Variants in NAB1 observed in about 807,000 individuals in gnomAD.
NAB1 encodes the protein NGFI-A binding protein 1.
Under a neutral mutation model 49.9 loss-of-function variants are expected in NAB1, and 25 were observed. The observed-to-expected ratio is 0.50, with a 90% CI of 0.37 to 0.70. The LOEUF is 0.70. NAB1 is among the 30% of genes least tolerant of loss of function. NAB1 has a pLI of 0.00. For synonymous variants in NAB1, 198 were observed against 215.6 expected (o/e 0.92, Z 0.71); for missense variants, 489 against 575.9 (o/e 0.85, Z 1.54).
chr2:190,673,037 C>T, intron 5 of NAB1, 64 bp from the exon 6 acceptor site: 1 of 1,499,542 alleles, frequency 6.7e-7, no homozygotes, highest in Non-Finnish European at 9.1e-7. Flanking sequence ...GGCTGAGATG[C>T]CTTTGGAATA....
rs1436528212 is a variant in NAB1, at chr2:190,664,731, CTATTCCTTATTATATCTTTA to C, written c.819+4740_819+4759del. On this transcript the variant is annotated intron_variant, in intron 4 of 9. Transcript: ENST00000337386. ...ACAGACGTGAGCCACCACACCTGGT[CTATTCCTTATTATATCTTTA>C]TATCATCCTTTTATTTTCAGCCTTT... is the stretch of plus-strand genomic sequence containing the variant. 8.6e-5 allele frequency among the ~76,000 whole-genome samples: 13 copies of C among 150,730 alleles called. No individual in the cohort carries two copies. In the East Asian group the frequency reaches 2.5e-3, roughly 29 times the overall value.
intron 2 of NAB1, among the ~76,000 whole-genome samples, chr2:190,650,584 A>G (rs1225881045): frequency 1.3e-5 from 2 of 152,126 alleles, no homozygotes; most frequent in Non-Finnish European, 1.5e-5. Context: ...ATGATATTTC[A>G]TAATTTGTGT....
intron 4 of NAB1, among the ~76,000 whole-genome samples, chr2:190,661,965 T>C (rs1694248002): frequency 6.6e-6 from 1 of 152,228 alleles, no homozygotes; most frequent in African/African-American, 2.4e-5. Flanking sequence ...GGTATATCTT[T>C]TAGGTATTAT....
At chr2:190,683,094 G>GTTTTGT (rs750373151) in intron 6 of NAB1, among the ~76,000 whole-genome samples, 2 of 151,986 alleles carry the variant, frequency 1.3e-5, no homozygotes, top group East Asian at 1.9e-4. Flanking sequence ...TTTTTTATGT[G>GTTTTGT]TTTTGTTTTT....
chr2:190,673,814 GA>G (rs1694941266), intron 6 of NAB1, among the ~76,000 whole-genome samples: 1 of 152,172 alleles, frequency 6.6e-6, no homozygotes, highest in African/African-American at 2.4e-5. Context: ...TGGGAGTTAA[GA>G]AAAACATACT....
rs1266227562 is a variant in NAB1, at chr2:190,652,238, G to T, written c.-197+2256G>T. Among the ~76,000 whole-genome samples, 1 of 152,168 alleles carries T rather than the reference G, an allele frequency of 6.6e-6. No homozygotes were observed. The highest frequency in any genetic ancestry group is 1.5e-5 in the Non-Finnish European group (1 of 68,032). The stretch of plus-strand genomic sequence containing the variant: ...TTTCTCAATACATTGTATTTAGGGG[G>T]TGACCCATTAATTTGCATGGTATAT... On this transcript the variant is annotated intron_variant, in intron 2 of 9. Transcript: ENST00000337386. The surrounding 1 kb of genome is among the most constrained non-coding windows in gnomAD (Gnocchi z 4.2).
In NAB1 at chr2:190,670,196, C is replaced by T. The variant is rs1208229161; in HGVS notation, c.820-130C>T. 2 of 905,294 alleles carry T rather than the reference C, an allele frequency of 2.2e-6. No homozygotes were observed. The highest frequency in any genetic ancestry group is 5.8e-5 in the East Asian group (2 of 34,698). The allele number at this position is 905,294 out of a possible 1,614,324, so 56.1% of individuals were successfully genotyped here. A position where few individuals can be genotyped will look rare whatever the true frequency, so the allele number is the denominator to read the frequency against. ...CATTAGGAATAATTAGGAATAAATA[C>T]CATTCTGATTTTTATGAATAATGAT... On this transcript the variant is annotated intron_variant, in intron 4 of 9. Transcript: ENST00000337386. This position sits in a 1 kb window ranked among gnomAD's most constrained non-coding sequence, Gnocchi z 5.3.
Position 190,680,694 on chromosome 2 carries a change from T to C in NAB1, c.1006-3044T>C, listed in dbSNP as rs903493010. Among the ~76,000 whole-genome samples the C allele has an allele frequency of 6.6e-6, 1 of 152,244 alleles. No individual in the cohort carries two copies. The highest frequency in any genetic ancestry group is 1.5e-5 in the Non-Finnish European group (1 of 68,040). Reference sequence around the variant, plus strand: ...TAGTTCCCCACGAATGTGCTTAATATTCTCTGGTTGATTTTAGTATTAAAT... The same window carrying C: ...TAGTTCCCCACGAATGTGCTTAATACTCTCTGGTTGATTTTAGTATTAAAT... On this transcript the variant is annotated intron_variant, in intron 6 of 9. Transcript: ENST00000337386. This position sits in a 1 kb window ranked among gnomAD's most constrained non-coding sequence, Gnocchi z 5.2.
chr2:190,660,870 G>T (rs1008194261), intron 4 of NAB1, among the ~76,000 whole-genome samples: 1 of 152,010 alleles, frequency 6.6e-6, no homozygotes, highest in Non-Finnish European at 1.5e-5. Context: ...TATATCCCCA[G>T]AGTCAAATGT....
chr2:190,684,481 A>T lies in NAB1; in HGVS notation c.1095+654A>T, dbSNP rs1450645890. ...ATGAAAAATACATTTTTTACCTCAG[A>T]TATGCTTATTTAAATTTTGTCAATT... On this transcript the variant is annotated intron_variant, in intron 7 of 9. Coordinates refer to ENST00000337386, the MANE Select transcript of NAB1 (RefSeq NM_005966.4). This position sits in a 1 kb window ranked among gnomAD's most constrained non-coding sequence, Gnocchi z 4.6. 6.6e-6 allele frequency among the ~76,000 whole-genome samples: 1 copy of T among 152,138 alleles called. No individual in the cohort carries two copies. The highest frequency in any genetic ancestry group is 1.9e-4 in the East Asian group (1 of 5,200).
Position 190,659,152 on chromosome 2 carries a change from T to TTTG in NAB1, c.-19-6_-19-5insTTG. The TTTG allele has an allele frequency of 1.3e-6, 2 of 1,490,620 alleles. No homozygotes were observed. Among genetic ancestry groups the TTTG allele is most frequent in the Non-Finnish European group, 1.8e-6 (2 of 1,106,694 alleles). 92.3% of individuals were successfully genotyped at this position (1,490,620 alleles called of 1,614,324 possible). On this transcript the variant is annotated splice_region_variant and splice_polypyrimidine_tract_variant and intron_variant, in intron 3 of 9. Transcript: ENST00000337386. The surrounding 1 kb of genome is among the most constrained non-coding windows in gnomAD (Gnocchi z 6.2). ...GAGTTTTTACTTTTTTTTTTTTTTT[T>TTTG]GGCAGGTTAAACCCATCCAGAGTAA...
In NAB1 at chr2:190,682,133, A is replaced by C. The variant is rs1695379538; in HGVS notation, c.1006-1605A>C. Among the ~76,000 whole-genome samples, 1 of 152,232 alleles carries C rather than the reference A, an allele frequency of 6.6e-6. No individual in the cohort carries two copies. The highest frequency in any genetic ancestry group is 2.4e-5 in the African/African-American group (1 of 41,468). ...AAAAGTAGGTGGAATACCAAGTATA[A>C]AATGGAAGTAATTTAAGTTGAAGTT... On this transcript the variant is annotated intron_variant, in intron 6 of 9. Coordinates refer to ENST00000337386, the MANE Select transcript of NAB1 (RefSeq NM_005966.4). This position sits in a 1 kb window ranked among gnomAD's most constrained non-coding sequence, Gnocchi z 4.1.
intron 6 of NAB1, among the ~76,000 whole-genome samples, chr2:190,681,998 T>C (rs1197124043): frequency 1.3e-5 from 2 of 152,194 alleles, no homozygotes; most frequent in African/African-American, 4.8e-5. Context: ...CTAATTTCTG[T>C]GAGGAGTCCT....
rs1052460113 is a variant in NAB1 at position 190,678,609 on chromosome 2, A to G, written c.1006-5129A>G. On this transcript the variant is annotated intron_variant, in intron 6 of 9. Coordinates refer to ENST00000337386, the MANE Select transcript of NAB1 (RefSeq NM_005966.4). This position sits in a 1 kb window ranked among gnomAD's most constrained non-coding sequence, Gnocchi z 4.9. Reference sequence around the variant, plus strand: ...GAAATGAGGTTTGTTAATAGAGCCCAGGAAGTCAGAGAACTGGGGCTTGAA... The same window carrying G: ...GAAATGAGGTTTGTTAATAGAGCCCGGGAAGTCAGAGAACTGGGGCTTGAA... Among the ~76,000 whole-genome samples, 1 of 150,432 alleles carries G rather than the reference A, an allele frequency of 6.6e-6. No homozygotes were observed. Among genetic ancestry groups the G allele is most frequent in the African/African-American group, 2.4e-5 (1 of 41,106 alleles).
chr2:190,670,422 C>G lies in NAB1; in HGVS notation c.916C>G (p.Arg306Gly), dbSNP rs1254455639. 1 of 1,613,800 alleles carries G rather than the reference C, an allele frequency of 6.2e-7. No individual in the cohort carries two copies. The highest frequency in any genetic ancestry group is 8.5e-7 in the Non-Finnish European group (1 of 1,179,912). The change falls in exon 5 of 10, where the codon CGA becomes GGA. Residue 306 changes from arginine (R) to glycine (G), a missense_variant. Arg to Gly is a moderately radical substitution (Grantham distance 125). This residue lies in a region of NAB1 where 38 missense variants were observed against 70.1 expected (regional missense o/e 0.54). Coordinates refer to ENST00000337386, the MANE Select transcript of NAB1 (RefSeq NM_005966.4). The surrounding 1 kb of genome is among the most constrained non-coding windows in gnomAD (Gnocchi z 5.3). ...TTTTGCCTTGGCTCGACAGATTTCT[C>G]GAGAAGTCACCTATAAATATACTTA... is the stretch of plus-strand genomic sequence containing the variant. Reference protein sequence around the residue: ...ELFALARQISREVTYKYTYRT... With the variant: ...ELFALARQISGEVTYKYTYRT...
chr2:190,651,387 G>A lies in NAB1; in HGVS notation c.-197+1405G>A, dbSNP rs1693661849. ...TGAAAGCATTAGGTATTTTCATCAC[G>A]GTATAGCTAAGAACCTATTGGTTTA... On this transcript the variant is annotated intron_variant, in intron 2 of 9. Transcript: ENST00000337386. This position sits in a 1 kb window ranked among gnomAD's most constrained non-coding sequence, Gnocchi z 4.3. 6.6e-6 allele frequency among the ~76,000 whole-genome samples: 1 copy of A among 152,114 alleles called. No individual in the cohort carries two copies. The highest frequency in any genetic ancestry group is 1.9e-4 in the East Asian group (1 of 5,196).
chr2:190,665,857 G>A (rs1694489199), intron 4 of NAB1, among the ~76,000 whole-genome samples: 1 of 152,116 alleles, frequency 6.6e-6, no homozygotes, highest in South Asian at 2.1e-4. Flanking sequence ...TTCTAATTCA[G>A]CCTTACATTG....
chr2:190,673,906 G>T (rs1309356564), intron 6 of NAB1, among the ~76,000 whole-genome samples: 1 of 152,170 alleles, frequency 6.6e-6, no homozygotes, highest in Non-Finnish European at 1.5e-5. Flanking sequence ...TTGCAGCAGA[G>T]TGGAAATCTG....
At position 190,659,095 on chromosome 2, in the gene NAB1, A is replaced by C. The variant is rs566830842; in HGVS notation, c.-19-63A>C. On this transcript the variant is annotated intron_variant, in intron 3 of 9. Transcript: ENST00000337386. This position sits in a 1 kb window ranked among gnomAD's most constrained non-coding sequence, Gnocchi z 6.2. ...GTTCTTAAAACCTGTAGTGTAACCT[A>C]TTTGGTGTAAGGAGTTTGAAGCAAG... The C allele has an allele frequency of 2.8e-6, 3 of 1,081,858 alleles. No homozygotes were observed. The East Asian group carries it at 7.5e-5, about 27-fold the overall frequency. The allele number at this position is 1,081,858 out of a possible 1,614,324, so 67.0% of individuals were successfully genotyped here. A position where few individuals can be genotyped will look rare whatever the true frequency, so the allele number is the denominator to read the frequency against.
Sources: gnomAD v4.1 joint callset for allele counts (sites outside exome capture counted in the v4.1 genomes callset) on GRCh38, gnomAD v4.1.1 for gene constraint, gnomAD v4.1.1 regional missense constraint, Gnocchi (gnomAD v3.1) non-coding constraint, MANE v1.5 for transcripts, NCBI Gene and HGNC (gene_info 2026-07-23, HGNC 2026-07-21) for gene names.